MORC1: variants seen among roughly 807,000 people sequenced by gnomAD.
MORC1 encodes the protein MORC family CW-type zinc finger 1.
Under a neutral mutation model 134.9 loss-of-function variants are expected in MORC1, and 59 were observed. The ratio of observed to expected loss-of-function variants is 0.44; its 90% CI spans 0.35 to 0.54. MORC1 has a LOEUF of 0.54. Ranked by LOEUF, MORC1 falls within the 20% of genes least tolerant of loss-of-function variation. MORC1 has a pLI of 0.00. For synonymous variants in MORC1, 395 were observed against 391.7 expected (o/e 1.01, Z -0.10); for missense variants, 947 against 1,134.5 (o/e 0.83, Z 2.37).
In MORC1 at chr3:108,969,654, T is replaced by C; in HGVS notation, c.2604+15A>G. ...TCATTTAGAATATAAATGGTGATAC[T>C]GAAAGGAAGCTTACCTGGTTGAAAC... On this transcript the variant is annotated intron_variant, in intron 26 of 27. Transcript: ENST00000232603. The C allele has an allele frequency of 6.2e-7, 1 of 1,608,312 alleles. No individual in the cohort carries two copies. Among genetic ancestry groups the C allele is most frequent in the Non-Finnish European group, 8.5e-7 (1 of 1,174,774 alleles).
intron 3 of MORC1, among the ~76,000 whole-genome samples, chr3:109,107,381 C>T (rs1217125184): frequency 6.6e-6 from 1 of 152,146 alleles, no homozygotes; most frequent in Non-Finnish European, 1.5e-5. Flanking sequence ...GGACCCTCTA[C>T]CCACCAAAGT....
chr3:109,078,227 A>G (rs1950458811), intron 8 of MORC1, among the ~76,000 whole-genome samples: 1 of 152,102 alleles, frequency 6.6e-6, no homozygotes, highest in African/African-American at 2.4e-5. Context: ...ATGTATGCAA[A>G]TGAAATGGAT....
chr3:109,083,284 T>C (rs1950556476), intron 8 of MORC1, among the ~76,000 whole-genome samples: 1 of 145,418 alleles, frequency 6.9e-6, no homozygotes, highest in Non-Finnish European at 1.5e-5. Context: ...ATTTTTTCAA[T>C]CTGAAAAAAA....
chr3:109,014,216 C>T (rs1320007904), intron 17 of MORC1, among the ~76,000 whole-genome samples: 1 of 152,158 alleles, frequency 6.6e-6, no homozygotes, highest in Non-Finnish European at 1.5e-5. Flanking sequence ...AACACTTTAC[C>T]TACCTTTATC....
At chr3:109,040,244 C>A (rs1447858856) in intron 14 of MORC1, among the ~76,000 whole-genome samples, 1 of 151,300 alleles carries the variant, frequency 6.6e-6, no homozygotes, top group Non-Finnish European at 1.5e-5. Context: ...AAGTATGGCA[C>A]ATTCCAAGCA....
chr3:109,072,734 T>C (rs1358831501), intron 8 of MORC1, among the ~76,000 whole-genome samples: 2 of 152,000 alleles, frequency 1.3e-5, no homozygotes, highest in Non-Finnish European at 2.9e-5. Flanking sequence ...AAGGAAAAAA[T>C]ACTATTACTC....
chr3:109,084,539 T>C (rs1950581871), intron 8 of MORC1, among the ~76,000 whole-genome samples: 2 of 152,126 alleles, frequency 1.3e-5, no homozygotes, highest in Non-Finnish European at 2.9e-5. Context: ...TCCTCACTCA[T>C]GAATTGGAAG....
chr3:109,096,111 G>A (rs1950826707), intron 6 of MORC1, among the ~76,000 whole-genome samples: 1 of 152,106 alleles, frequency 6.6e-6, no homozygotes, highest in African/African-American at 2.4e-5. Context: ...AGAAAATACT[G>A]TATCCATGAA....
intron 24 of MORC1, among the ~76,000 whole-genome samples, chr3:108,974,780 A>G (rs1321358191): frequency 6.6e-6 from 1 of 152,252 alleles, no homozygotes; most frequent in African/African-American, 2.4e-5. Flanking sequence ...TCTTCTCAAG[A>G]ATTCAAGAAA....
chr3:109,034,346 C>T (rs1476844433), intron 15 of MORC1, among the ~76,000 whole-genome samples: 1 of 152,176 alleles, frequency 6.6e-6, no homozygotes, highest in East Asian at 1.9e-4. Flanking sequence ...CTGTTTTTCT[C>T]TACTGAGCTG....
At chr3:108,963,186 T>G (rs1484612904) in intron 27 of MORC1, among the ~76,000 whole-genome samples, 1 of 105,576 alleles carries the variant, frequency 9.5e-6, no homozygotes, top group East Asian at 2.2e-4. Flanking sequence ...AGACTCCATC[T>G]CAAAAAAAAA....
At chr3:108,974,120 GC>G (rs1947482718) in intron 24 of MORC1, among the ~76,000 whole-genome samples, 1 of 151,930 alleles carries the variant, frequency 6.6e-6, no homozygotes, top group Non-Finnish European at 1.5e-5. Flanking sequence ...CTGGTATTGA[GC>G]CTTTCACTCT....
At chr3:109,088,121 C>T (rs1576728982) in intron 8 of MORC1, among the ~76,000 whole-genome samples, 1 of 152,092 alleles carries the variant, frequency 6.6e-6, no homozygotes, top group East Asian at 1.9e-4. Flanking sequence ...ACTATAAAAA[C>T]CCTGGAAGAC....
chr3:108,980,797 C>T (rs896967237), intron 23 of MORC1, among the ~76,000 whole-genome samples: 1 of 152,128 alleles, frequency 6.6e-6, no homozygotes, highest in African/African-American at 2.4e-5. Flanking sequence ...GAGAGAAATA[C>T]TTAGTCATGA....
chr3:109,072,860 CTT>C (rs1433227573), intron 8 of MORC1, among the ~76,000 whole-genome samples: 1 of 152,038 alleles, frequency 6.6e-6, no homozygotes, highest in Non-Finnish European at 1.5e-5. Context: ...ATATCTCTAT[CTT>C]TCTCTCTCAT....
At chr3:109,087,956 G>C (rs924328859) in intron 8 of MORC1, among the ~76,000 whole-genome samples, 2 of 152,064 alleles carry the variant, frequency 1.3e-5, no homozygotes, top group African/African-American at 4.8e-5. Context: ...CAACAAAGCT[G>C]ACAAAAAGAA....
intron 6 of MORC1, among the ~76,000 whole-genome samples, chr3:109,096,863 G>A (rs1416499417): frequency 6.6e-6 from 1 of 151,790 alleles, no homozygotes; most frequent in African/African-American, 2.4e-5. Context: ...ATAAATATTA[G>A]AACAACTCCC....
At chr3:108,973,382 G>A (rs1947446256) in intron 24 of MORC1, among the ~76,000 whole-genome samples, 1 of 152,030 alleles carries the variant, frequency 6.6e-6, no homozygotes, top group Admixed American at 6.6e-5. Flanking sequence ...AGAAGAAGGG[G>A]TTCTAACTCA....
At chr3:109,001,164 G>A (rs929771674) in intron 20 of MORC1, among the ~76,000 whole-genome samples, 5 of 151,352 alleles carry the variant, frequency 3.3e-5, no homozygotes, top group African/African-American at 4.9e-5. Flanking sequence ...ATGGAGTTTC[G>A]CTCTTTCACC....
Sources: gnomAD v4.1 joint callset for allele counts (sites outside exome capture counted in the v4.1 genomes callset) on GRCh38, gnomAD v4.1.1 for gene constraint, MANE v1.5 for transcripts, NCBI Gene and HGNC (gene_info 2026-07-23, HGNC 2026-07-21) for gene names.